The following CACNA1C variants were observed in gnomAD, a reference collection of about 807,000 sequenced individuals.
The protein encoded by CACNA1C is calcium voltage-gated channel subunit alpha1 C, also known as voltage-dependent L-type calcium channel subunit alpha-1C.
CACNA1C carries 30 observed loss-of-function variants against 229.0 expected under a neutral mutation model. The ratio of observed to expected loss-of-function variants is 0.13; its 90% CI spans 0.10 to 0.18. The LOEUF is 0.18. Ranked by LOEUF, CACNA1C falls within the 10% of genes least tolerant of loss-of-function variation. CACNA1C has a pLI of 1.00. For missense variants in CACNA1C, 1,658 were observed against 2,845.0 expected (o/e 0.58, Z 9.49); for synonymous variants, 1,114 against 1,132.5 (o/e 0.98, Z 0.33).
intron 9 of CACNA1C, among the ~76,000 whole-genome samples, chr12:2,526,745 A>T (rs981099261): frequency 6.6e-6 from 1 of 152,248 alleles, no homozygotes. Flanking sequence ...ATAGAGTAGC[A>T]TGTTCACTTC....
chr12:2,131,914 A>G (rs2092312082), intron 3 of CACNA1C, among the ~76,000 whole-genome samples: 2 of 146,840 alleles, frequency 1.4e-5, no homozygotes, highest in Admixed American at 6.7e-5. Flanking sequence ...CATTTTCACA[A>G]TATTGATTCT....
chr12:2,389,429 A>G (rs554107330), intron 3 of CACNA1C, among the ~76,000 whole-genome samples: 26 of 152,234 alleles, frequency 1.7e-4, no homozygotes, highest in Middle Eastern at 3.4e-3. Flanking sequence ...ATCAAGGGAT[A>G]TCTTCTATTT....
At chr12:2,236,117 T>TGG (rs1469985017) in intron 3 of CACNA1C, among the ~76,000 whole-genome samples, 4 of 152,190 alleles carry the variant, frequency 2.6e-5, no homozygotes, top group African/African-American at 9.7e-5. Flanking sequence ...TTCCATTCCA[T>TGG]CTCAGCCCGA....
intron 8 of CACNA1C, among the ~76,000 whole-genome samples, chr12:2,508,446 T>C (rs779392973): frequency 1.3e-5 from 2 of 152,206 alleles, no homozygotes; most frequent in Admixed American, 6.5e-5. Context: ...AGCTAGGAGT[T>C]TGAGATCAGC....
chr12:2,037,358 A>G (rs1232178249), intron 1 of CACNA1C, among the ~76,000 whole-genome samples: 1 of 152,172 alleles, frequency 6.6e-6, no homozygotes, highest in Non-Finnish European at 1.5e-5. Context: ...TCTTGCCTTT[A>G]TTACTGGTAT....
In CACNA1C at chr12:2,074,291, C is replaced by T. The variant is rs781562022; in HGVS notation, c.49+20680C>T. 2.0e-5 allele frequency among the ~76,000 whole-genome samples: 3 copies of T among 152,182 alleles called. No individual in the cohort carries two copies. In the East Asian group the frequency reaches 5.8e-4, roughly 29 times the overall value. ...GAGAGCTTCTAATTTCTGTTCTAGACTCCTGAAGGAGTCTGCAAATAATAC... is the reference window on the plus strand; with the variant it reads ...GAGAGCTTCTAATTTCTGTTCTAGATTCCTGAAGGAGTCTGCAAATAATAC... On this transcript the variant is annotated intron_variant, in intron 1 of 46. Coordinates refer to ENST00000399655, the MANE Select transcript of CACNA1C (RefSeq NM_000719.7).
At chr12:2,497,903 G>T (rs1175599499) in intron 7 of CACNA1C, among the ~76,000 whole-genome samples, 3 of 151,470 alleles carry the variant, frequency 2.0e-5, no homozygotes, top group African/African-American at 7.3e-5. Flanking sequence ...TCACTTGTCA[G>T]CTCCACCCTT....
intron 3 of CACNA1C, among the ~76,000 whole-genome samples, chr12:2,396,549 C>T (rs775224018): frequency 1.4e-4 from 21 of 152,268 alleles, no homozygotes; most frequent in Non-Finnish European, 2.6e-4. Context: ...GGCTTGTTGC[C>T]CAGGCCTGTG....
intron 43 of CACNA1C, among the ~76,000 whole-genome samples, chr12:2,684,583 A>C (rs1307336784): frequency 1.3e-5 from 2 of 152,194 alleles, no homozygotes; most frequent in African/African-American, 4.8e-5. Context: ...AAACTAGGAA[A>C]CTAAGAGGGT....
rs547392423 is a variant in CACNA1C, at chr12:2,493,596, G to A, written c.1113+210G>A. ...CCCTAACGAGTCCCCTCCCCCACCCGCCAGCCTTAGGGGAAGGTCATTTTT... is the reference window on the plus strand; with the variant it reads ...CCCTAACGAGTCCCCTCCCCCACCCACCAGCCTTAGGGGAAGGTCATTTTT... On this transcript the variant is annotated intron_variant, in intron 7 of 46. Coordinates refer to ENST00000399655, the MANE Select transcript of CACNA1C (RefSeq NM_000719.7). The surrounding 1 kb of genome is among the most constrained non-coding windows in gnomAD (Gnocchi z 4.6). 5.3e-5 allele frequency among the ~76,000 whole-genome samples: 8 copies of A among 152,164 alleles called. No individual in the cohort carries two copies. The highest frequency in any genetic ancestry group is 1.7e-4 in the African/African-American group (7 of 41,522).
In CACNA1C at chr12:2,411,578, G is replaced by A. The variant is rs11062220; in HGVS notation, c.478-37398G>A. Reference sequence around the variant, plus strand: ...CTAGTCCCCGGGCCCTGGCCTTGCCGGAGTCACCGGAGGCAACCAAGAGCC... The same window carrying A: ...CTAGTCCCCGGGCCCTGGCCTTGCCAGAGTCACCGGAGGCAACCAAGAGCC... On this transcript the variant is annotated intron_variant, in intron 3 of 46. Coordinates refer to ENST00000399655, the MANE Select transcript of CACNA1C (RefSeq NM_000719.7). Among the ~76,000 whole-genome samples the A allele has an allele frequency of 2.1e-3, 317 of 152,312 alleles. 1 individual carries two copies. Among genetic ancestry groups the A allele is most frequent in the Non-Finnish European group, 3.7e-3 (251 of 68,018 alleles).
rs952752284 is a variant in CACNA1C at position 2,152,888 on chromosome 12, C to T, written c.477+32458C>T. Among the ~76,000 whole-genome samples, 9 of 152,050 alleles carry T rather than the reference C, an allele frequency of 5.9e-5. No homozygotes were observed. Among genetic ancestry groups the T allele is most frequent in the East Asian group, 1.9e-4 (1 of 5,192 alleles). ...GGTCCCACTGGTCCCGAGTGTCCTA[C>T]GGCCCTTTATATTGGATAATATTGG... On this transcript the variant is annotated intron_variant, in intron 3 of 46. Transcript: ENST00000399655. The surrounding 1 kb of genome is among the most constrained non-coding windows in gnomAD (Gnocchi z 4.2).
At chr12:2,432,632 A>G (rs1194601630) in intron 3 of CACNA1C, among the ~76,000 whole-genome samples, 1 of 152,180 alleles carries the variant, frequency 6.6e-6, no homozygotes, top group Non-Finnish European at 1.5e-5. Flanking sequence ...TGGTGCAATC[A>G]TCTGTTCTGG....
chr12:2,004,227 C>G (rs747593881), intron 1 of CACNA1C: 111 of 1,601,058 alleles, frequency 6.9e-5, no homozygotes, highest in Non-Finnish European at 9.1e-5. Flanking sequence ...GAGTCTGACG[C>G]CCCCCGCCTC....
chr12:2,627,050 C>A (rs572894832), intron 29 of CACNA1C, among the ~76,000 whole-genome samples: 1 of 152,122 alleles, frequency 6.6e-6, no homozygotes, highest in Non-Finnish European at 1.5e-5. Flanking sequence ...AGGAGAGCAG[C>A]CCCCCTCGCC....
At chr12:2,383,058 A>T (rs1450752606) in intron 3 of CACNA1C, among the ~76,000 whole-genome samples, 1 of 152,208 alleles carries the variant, frequency 6.6e-6, no homozygotes, top group African/African-American at 2.4e-5. Flanking sequence ...CCTGGATTCA[A>T]GTCCCAGCAC....
chr12:2,208,608 G>A (rs1040206963), intron 3 of CACNA1C, among the ~76,000 whole-genome samples: 1 of 152,164 alleles, frequency 6.6e-6, no homozygotes, highest in African/African-American at 2.4e-5. Context: ...GTGGTGGGTG[G>A]CATTTGAGGG....
At position 2,651,074 on chromosome 12, in the gene CACNA1C, G is replaced by C. The variant is rs1036381800; in HGVS notation, c.3946-566G>C. The stretch of plus-strand genomic sequence containing the variant: ...AGGAGGTGATACAAGGAAAGTGCTG[G>C]AGTCCCAAGCAGCTGGGGCATGAGG... On this transcript the variant is annotated intron_variant, in intron 31 of 46. Transcript: ENST00000399655. This position sits in a 1 kb window ranked among gnomAD's most constrained non-coding sequence, Gnocchi z 5.4. 1 of 153,696 alleles carries C rather than the reference G, an allele frequency of 6.5e-6. No homozygotes were observed. Among genetic ancestry groups the C allele is most frequent in the African/African-American group, 2.4e-5 (1 of 41,476 alleles). 9.5% of individuals were successfully genotyped at this position (153,696 alleles called of 1,614,324 possible). A position where few individuals can be genotyped will look rare whatever the true frequency, so the allele number is the denominator to read the frequency against.
At chr12:2,059,886 A>G (rs966193110) in intron 1 of CACNA1C, among the ~76,000 whole-genome samples, 2 of 152,094 alleles carry the variant, frequency 1.3e-5, no homozygotes, top group Middle Eastern at 3.4e-3. Flanking sequence ...TTCTGGCTAA[A>G]TTTTGCTTGG....
Sources: allele counts gnomAD v4.1 joint callset (sites outside exome capture counted in the v4.1 genomes callset), GRCh38; gene constraint gnomAD v4.1.1; non-coding constraint Gnocchi (gnomAD v3.1); transcripts MANE v1.5; gene names NCBI Gene and HGNC (gene_info 2026-07-23, HGNC 2026-07-21).